The following TMPRSS11F variants were observed in gnomAD, a reference collection of about 807,000 sequenced individuals.
The protein encoded by TMPRSS11F is transmembrane protease serine 11F.
TMPRSS11F carries 47 observed loss-of-function variants against 60.2 expected under a neutral mutation model. The observed-to-expected ratio is 0.78, with a 90% CI of 0.62 to 1.00. The LOEUF is 1.00. Ranked by LOEUF, TMPRSS11F falls within the 50% of genes least tolerant of loss-of-function variation. The pLI, the probability that TMPRSS11F is intolerant of heterozygous loss-of-function variation, is 0.00. For synonymous variants in TMPRSS11F, 166 were observed against 167.3 expected (o/e 0.99, Z 0.06); for missense variants, 519 against 522.9 (o/e 0.99, Z 0.07).
intron 8 of TMPRSS11F, among the ~76,000 whole-genome samples, chr4:68,060,798 T>TA (rs1251302976): frequency 6.6e-6 from 1 of 151,954 alleles, no homozygotes; most frequent in East Asian, 1.9e-4. Flanking sequence ...CTGCTTTTTT[T>TA]AAATGAAAAA....
chr4:68,065,022 A>G lies in TMPRSS11F; in HGVS notation c.756-78T>C, dbSNP rs960426315. On this transcript the variant is annotated intron_variant, in intron 7 of 9. Coordinates refer to ENST00000356291, the MANE Select transcript of TMPRSS11F (RefSeq NM_207407.2). ...AAGACTGAGACTGTATTTCTTCCCA[A>G]CTGTCAGTATTATGCTCCTGAAACA... 1.4e-5 allele frequency: 20 copies of G among 1,401,490 alleles called. No individual in the cohort carries two copies. In the East Asian group the frequency reaches 4.5e-4, roughly 31 times the overall value. The allele number at this position is 1,401,490 out of a possible 1,614,324, so 86.8% of individuals were successfully genotyped here.
chr4:68,127,415 G>A (rs1315785718), intron 1 of TMPRSS11F, among the ~76,000 whole-genome samples: 1 of 151,980 alleles, frequency 6.6e-6, no homozygotes, highest in Non-Finnish European at 1.5e-5. Flanking sequence ...CATCACAAAG[G>A]TCTCAACTTG....
At position 68,094,073 on chromosome 4, in the gene TMPRSS11F, C is replaced by T. The variant is rs368272618; in HGVS notation, c.164-3432G>A. 1.5e-4 allele frequency among the ~76,000 whole-genome samples: 19 copies of T among 129,242 alleles called. 1 individual carries two copies. The East Asian group carries it at 1.5e-3, about 10-fold the overall frequency. 84.8% of individuals were successfully genotyped at this position (129,242 alleles called of 152,430 possible). A position where few individuals can be genotyped will look rare whatever the true frequency, so the allele number is the denominator to read the frequency against. On this transcript the variant is annotated intron_variant, in intron 2 of 9. Transcript: ENST00000356291. Reference sequence around the variant, plus strand: ...GGTATATACCCAAATGACTATAAATCATGCTGCTATAAAGACACATGCACA... The same window carrying T: ...GGTATATACCCAAATGACTATAAATTATGCTGCTATAAAGACACATGCACA...
intron 8 of TMPRSS11F, 56 bp from the exon 9 acceptor site, chr4:68,059,524 A>G: frequency 6.5e-7 from 1 of 1,535,162 alleles, no homozygotes; most frequent in African/African-American, 1.4e-5. Context: ...ATACAATTGT[A>G]TCTAAGACAT....
intron 7 of TMPRSS11F, among the ~76,000 whole-genome samples, chr4:68,067,704 G>A (rs534104883): frequency 4.6e-5 from 7 of 152,234 alleles, no homozygotes; most frequent in East Asian, 1.9e-4. Context: ...TCTTTTCTGC[G>A]AAAAAGCAAC....
At chr4:68,079,898 C>A (rs1011560125) in intron 3 of TMPRSS11F, among the ~76,000 whole-genome samples, 2 of 152,152 alleles carry the variant, frequency 1.3e-5, no homozygotes, top group East Asian at 3.9e-4. Flanking sequence ...CTGTTTTTGG[C>A]AAGTCTGAGC....
Position 68,064,884 on chromosome 4 carries a change from C to A in TMPRSS11F, c.816G>T (p.Val272=), listed in dbSNP as rs2109836437. ...GAATAATTTTCCTCACATTTCGTTTCACTGCGGGTGGTGTTATAGTTGCAC... is the reference window on the plus strand; with the variant it reads ...GAATAATTTTCCTCACATTTCGTTTAACTGCGGGTGGTGTTATAGTTGCAC... ...TFGATITPPA[V]KRNVRKIILH... The change falls in exon 8 of 10, where the codon GTG becomes GTT. Residue 272 remains valine, a synonymous_variant. Transcript: ENST00000356291. 1 of 1,614,052 alleles carries A rather than the reference C, an allele frequency of 6.2e-7. No individual in the cohort carries two copies. The highest frequency in any genetic ancestry group is 1.7e-4 in the Middle Eastern group (1 of 6,050).
intron 1 of TMPRSS11F, among the ~76,000 whole-genome samples, chr4:68,119,499 G>A (rs1724583129): frequency 6.6e-6 from 1 of 152,120 alleles, no homozygotes; most frequent in African/African-American, 2.4e-5. Context: ...TAATACAGTT[G>A]GTGACTTGAG....
At chr4:68,063,956 A>C (rs1723263256) in intron 8 of TMPRSS11F, among the ~76,000 whole-genome samples, 1 of 152,346 alleles carries the variant, frequency 6.6e-6, no homozygotes, top group African/African-American at 2.4e-5. Context: ...TTATATGCTG[A>C]ATAAAATAAA....
chr4:68,055,056 T>C (rs1329694578), intron 9 of TMPRSS11F, among the ~76,000 whole-genome samples: 6 of 152,106 alleles, frequency 3.9e-5, no homozygotes, highest in Non-Finnish European at 5.9e-5. Flanking sequence ...AGGTGTGTTA[T>C]AGGCAGAGGG....
At chr4:68,110,754 A>C (rs1348361308) in intron 1 of TMPRSS11F, among the ~76,000 whole-genome samples, 1 of 152,178 alleles carries the variant, frequency 6.6e-6, no homozygotes, top group Admixed American at 6.5e-5. Flanking sequence ...CTATCTGCTT[A>C]CTGATTTTTA....
intron 9 of TMPRSS11F, among the ~76,000 whole-genome samples, chr4:68,057,684 T>A (rs1723074668): frequency 6.6e-6 from 1 of 152,014 alleles, no homozygotes; most frequent in Admixed American, 6.6e-5. Flanking sequence ...AAAACCTGAT[T>A]TTAAAAAATT....
chr4:68,104,969 T>TC (rs1173285861), intron 1 of TMPRSS11F, among the ~76,000 whole-genome samples: 3 of 151,438 alleles, frequency 2.0e-5, no homozygotes, highest in Admixed American at 1.3e-4. Flanking sequence ...GTTTTTTTTT[T>TC]TTCCTTGTGA....
At chr4:68,062,892 C>A (rs781702733) in intron 8 of TMPRSS11F, 1 of 801,882 alleles carries the variant, frequency 1.2e-6, no homozygotes, top group Non-Finnish European at 2.2e-6. Flanking sequence ...AAGTGGCTGC[C>A]TTTTATCACT....
chr4:68,062,569 T>C (rs749874973), intron 8 of TMPRSS11F: 1 of 840,584 alleles, frequency 1.2e-6, no homozygotes, highest in East Asian at 2.5e-5. Context: ...ACGCCTGCCA[T>C]CTACGTACTT....
In TMPRSS11F at chr4:68,056,053, C is replaced by T. The variant is rs144053131; in HGVS notation, c.1159-1986G>A. ...GGTGTATGTCAAACACAATAAAAGC[C>T]ATATATTGGCTTTTATTATTAAAGC... is the stretch of plus-strand genomic sequence containing the variant. On this transcript the variant is annotated intron_variant, in intron 9 of 9. Coordinates refer to ENST00000356291, the MANE Select transcript of TMPRSS11F (RefSeq NM_207407.2). 1.8e-3 allele frequency among the ~76,000 whole-genome samples: 281 copies of T among 152,052 alleles called. 2 individuals are homozygous for T. Among genetic ancestry groups the T allele is most frequent in the African/African-American group, 6.6e-3 (275 of 41,492 alleles).
chr4:68,091,749 C>A (rs1203131233), intron 2 of TMPRSS11F, among the ~76,000 whole-genome samples: 1 of 19,862 alleles, frequency 5.0e-5, no homozygotes, highest in Admixed American at 1.1e-3. Context: ...AATCTCTAAT[C>A]TCTCTCTCTC....
At chr4:68,093,938 T>G (rs1233829252) in intron 2 of TMPRSS11F, among the ~76,000 whole-genome samples, 4 of 114,466 alleles carry the variant, frequency 3.5e-5, no homozygotes, top group African/African-American at 8.6e-5. Context: ...GGAACACTTT[T>G]ACACTGTTGG....
At chr4:68,059,530 G>T in intron 8 of TMPRSS11F, 62 bp from the exon 9 acceptor site, 1 of 1,466,778 alleles carries the variant, frequency 6.8e-7, no homozygotes. Flanking sequence ...TTGTATCTAA[G>T]ACATAGAAGA....
Sources: allele counts gnomAD v4.1 joint callset (sites outside exome capture counted in the v4.1 genomes callset), GRCh38; gene constraint gnomAD v4.1.1; transcripts MANE v1.5; gene names NCBI Gene and HGNC (gene_info 2026-07-23, HGNC 2026-07-21).